GARNL3: variants seen among roughly 807,000 people sequenced by gnomAD.
The protein encoded by GARNL3 is GTPase-activating Rap/Ran-GAP domain-like protein 3.
A neutral mutation model predicts 125.0 loss-of-function variants in GARNL3; 63 were observed. The observed-to-expected ratio is 0.50, with a 90% CI of 0.41 to 0.62. The LOEUF (loss-of-function observed/expected upper bound fraction) is 0.62, where lower values mean the gene tolerates loss of function less well. Among genes scored for constraint, GARNL3 ranks in the 20% least tolerant of loss-of-function variants. The probability of loss-of-function intolerance (pLI) is 0.00; values close to 1 mark genes in which losing one functional copy is unlikely to be tolerated. For synonymous variants in GARNL3, 439 were observed against 457.5 expected, an observed-to-expected ratio of 0.96 and a Z score of 0.52; for missense variants, 994 against 1,244.0, an observed-to-expected ratio of 0.80 and a Z score of 3.02.
chr9:127,231,035 C>CATATATATATATATAT (rs200926096), intron 1 of GARNL3, among the ~76,000 whole-genome samples: 14 of 55,838 alleles, frequency 2.5e-4, no homozygotes, highest in Non-Finnish European at 3.7e-4. Context: ...TGTATATATA[C>CATATATATATATATAT]ATATATATAT....
chr9:127,289,553 G>A (rs751262972), intron 1 of GARNL3, among the ~76,000 whole-genome samples: 2 of 152,168 alleles, frequency 1.3e-5, no homozygotes, highest in East Asian at 1.9e-4. Flanking sequence ...CCTGAATTGC[G>A]GTATCCAGAG....
chr9:127,316,212 C>A (rs2131489895), intron 4 of GARNL3, among the ~76,000 whole-genome samples: 1 of 152,252 alleles, frequency 6.6e-6, no homozygotes, highest in Middle Eastern at 3.4e-3. Flanking sequence ...TCTGCTGTGC[C>A]ACACATTCCC....
At chr9:127,265,677 C>T (rs1383695564) in intron 1 of GARNL3, among the ~76,000 whole-genome samples, 3 of 152,042 alleles carry the variant, frequency 2.0e-5, no homozygotes, top group Non-Finnish European at 2.9e-5. Context: ...TTTCCAATTA[C>T]GTGAAAATCT....
chr9:127,324,577 C>CT (rs2065506816), intron 6 of GARNL3, among the ~76,000 whole-genome samples: 1 of 152,202 alleles, frequency 6.6e-6, no homozygotes, highest in Admixed American at 6.5e-5. Flanking sequence ...CCAGAATCTA[C>CT]TTTTTTAGAA....
At chr9:127,273,826 G>C (rs16929730) in intron 1 of GARNL3, among the ~76,000 whole-genome samples, 2,644 of 152,294 alleles carry the variant, frequency 0.017, 60 homozygotes, top group East Asian at 0.086. Context: ...CTTATAAGCA[G>C]TGGGAATCCT....
Position 127,389,078 on chromosome 9 carries a change from A to T in GARNL3, c.2702A>T (p.Glu901Val). Residue 901 changes from glutamate (E) to valine (V), a missense_variant, in exon 26 of 28, where the codon GAG becomes GTG. By Grantham distance (121) the Glu-to-Val change is moderately radical. Transcript: ENST00000373387. Reference sequence around the variant, plus strand: ...CACTCCTTGTCCCTGTCTCGCATGGAGATCAAAGAAATAGCAAGCAGGACC... The same window carrying T: ...CACTCCTTGTCCCTGTCTCGCATGGTGATCAAAGAAATAGCAAGCAGGACC... ...VTHSLSLSRMEIKEIASRTRR... is the reference protein window; with the variant it reads ...VTHSLSLSRMVIKEIASRTRR... 1 of 1,614,164 alleles carries T rather than the reference A, an allele frequency of 6.2e-7. No homozygotes were observed. The highest frequency in any genetic ancestry group is 1.3e-5 in the African/African-American group (1 of 75,026).
At chr9:127,381,110 C>G (rs1444176770) in intron 22 of GARNL3, among the ~76,000 whole-genome samples, 2 of 142,210 alleles carry the variant, frequency 1.4e-5, no homozygotes, top group Admixed American at 6.9e-5. Context: ...ATCTCCTGAC[C>G]TCGTGATCCG....
Position 127,313,553 on chromosome 9 carries a change from A to G in GARNL3, c.432A>G (p.Arg144=). The part of the protein sequence containing the change: ...RVPQYRAILW[R]KTGTQKICLP... ...CTCAATACCGTGCAATTCTTTGGAG[A>G]AAAACAGTAAGTATATGGCTCACAC... is the stretch of plus-strand genomic sequence containing the variant. The change falls in exon 4 of 28, where the codon AGA becomes AGG. Residue 144 remains arginine (R), a synonymous_variant. Coordinates refer to ENST00000373387, the MANE Select transcript of GARNL3 (RefSeq NM_032293.5). 1 of 1,608,550 alleles carries G rather than the reference A, an allele frequency of 6.2e-7. No homozygotes were observed. The highest frequency in any genetic ancestry group is 8.5e-7 in the Non-Finnish European group (1 of 1,174,930).
At chr9:127,382,870 G>T (rs542416248) in intron 22 of GARNL3, among the ~76,000 whole-genome samples, 45 of 152,268 alleles carry the variant, frequency 3.0e-4, no homozygotes, top group African/African-American at 1.0e-3. Flanking sequence ...GGGGGTATCT[G>T]GCTCCCACCA....
chr9:127,352,435 A>G (rs907140576), intron 17 of GARNL3, among the ~76,000 whole-genome samples: 1 of 152,176 alleles, frequency 6.6e-6, no homozygotes, highest in African/African-American at 2.4e-5. Context: ...AATTGTAGTT[A>G]TTTAGCCAAC....
intron 2 of GARNL3, 150 bp downstream of exon 2, chr9:127,291,392 T>C (rs1382304939): frequency 1.4e-6 from 1 of 689,982 alleles, no homozygotes; most frequent in Non-Finnish European, 2.5e-6. Flanking sequence ...TATTCTGGCA[T>C]GGAAGGTGCT....
At chr9:127,250,982 CCTTT>C (rs1339628743) in intron 2 of GARNL3, among the ~76,000 whole-genome samples, 1 of 152,280 alleles carries the variant, frequency 6.6e-6, no homozygotes, top group Non-Finnish European at 1.5e-5. Flanking sequence ...GAATTCTATT[CCTTT>C]GACTATTACA....
intron 10 of GARNL3, 39 bp downstream of exon 10, chr9:127,335,372 A>C: frequency 7.1e-7 from 1 of 1,411,624 alleles, no homozygotes; most frequent in Non-Finnish European, 1.0e-6. Flanking sequence ...AGTGATGTGA[A>C]TGTGGAGAGG....
intron 1 of GARNL3, among the ~76,000 whole-genome samples, chr9:127,231,564 T>G (rs2063020429): frequency 6.6e-6 from 1 of 152,202 alleles, no homozygotes; most frequent in Admixed American, 6.5e-5. Context: ...AGGATTGAAT[T>G]TGTGAGGTAA....
intron 21 of GARNL3, among the ~76,000 whole-genome samples, chr9:127,361,076 G>C (rs938860290): frequency 1.3e-5 from 2 of 152,224 alleles, no homozygotes; most frequent in African/African-American, 4.8e-5. Flanking sequence ...CGTCTGCCCA[G>C]AATCCAGTGG....
chr9:127,342,951 G>T (rs1829947945), intron 14 of GARNL3, among the ~76,000 whole-genome samples: 1 of 143,082 alleles, frequency 7.0e-6, no homozygotes. Context: ...AGGCTGGAGT[G>T]CCATGGCATG....
chr9:127,235,237 C>T (rs1483170632), intron 1 of GARNL3, among the ~76,000 whole-genome samples: 2 of 151,340 alleles, frequency 1.3e-5, no homozygotes. Context: ...GCACATCTCA[C>T]TTCAGGCTAG....
intron 2 of GARNL3, among the ~76,000 whole-genome samples, chr9:127,296,805 A>G (rs1285429464): frequency 6.6e-6 from 1 of 152,006 alleles, no homozygotes; most frequent in African/African-American, 2.4e-5. Context: ...TTGGCCATGG[A>G]TGACTGCCTC....
At chr9:127,225,143 A>G (rs1473719356) in intron 1 of GARNL3, 2 of 99,944 alleles carry the variant, frequency 2.0e-5, no homozygotes, top group African/African-American at 8.1e-5. Flanking sequence ...CTGAACCAGG[A>G]TGAGAGGCGC....
Sources: gnomAD v4.1 joint callset for allele counts (sites outside exome capture counted in the v4.1 genomes callset) on GRCh38, gnomAD v4.1.1 for gene constraint, MANE v1.5 for transcripts, NCBI Gene and HGNC (gene_info 2026-07-23, HGNC 2026-07-21) for gene names.